The following RC3H2 variants were observed in gnomAD, a reference collection of about 807,000 sequenced individuals.
RC3H2 encodes the protein ring finger and CCCH-type domains 2.
RC3H2 carries 31 observed loss-of-function variants against 133.3 expected under a neutral mutation model. That is an observed-to-expected ratio of 0.23 (90% confidence interval 0.17 to 0.31). The LOEUF (loss-of-function observed/expected upper bound fraction) is 0.31, where lower values mean the gene tolerates loss of function less well. Ranked by LOEUF, RC3H2 falls within the 10% of genes least tolerant of loss-of-function variation. RC3H2 has a pLI of 1.00. For missense variants in RC3H2, 1,175 were observed against 1,437.2 expected (o/e 0.82, Z 2.95); for synonymous variants, 517 against 502.2 (o/e 1.03, Z -0.40).
chr9:122,877,153 T>G lies in RC3H2; in HGVS notation c.1325+318A>C, dbSNP rs146484373. ...TGGTGTGAACACACTCACTGCAGCC[T>G]TGACCTATGGGGTTCAAGCAATCCT... On this transcript the variant is annotated intron_variant, in intron 9 of 20. Coordinates refer to ENST00000357244, the MANE Select transcript of RC3H2 (RefSeq NM_001100588.3). Among the ~76,000 whole-genome samples the G allele has an allele frequency of 4.7e-3, 720 of 152,312 alleles. 6 individuals carry two copies. Among genetic ancestry groups the G allele is most frequent in the African/African-American group, 0.016 (683 of 41,560 alleles).
At chr9:122,870,969 T>C (rs1831061071) in intron 9 of RC3H2, among the ~76,000 whole-genome samples, 1 of 152,216 alleles carries the variant, frequency 6.6e-6, no homozygotes, top group Non-Finnish European at 1.5e-5. Context: ...CTTTACTAAG[T>C]TCATTTTCCC....
At chr9:122,892,873 C>T (rs117281773) in intron 3 of RC3H2, 36 bp downstream of exon 3, 576 of 1,507,510 alleles carry the variant, frequency 3.8e-4, no homozygotes, top group Non-Finnish European at 5.2e-4. Flanking sequence ...ACTACCAAGT[C>T]CTACTTATCA....
chr9:122,864,929 C>G lies in RC3H2; in HGVS notation c.1634+420G>C, dbSNP rs1830582640. Reference sequence around the variant, plus strand: ...GTGAACCACTGCACCCGGCCAAGTGCTACACCTCATTACAGAGTATAAAGT... The same window carrying G: ...GTGAACCACTGCACCCGGCCAAGTGGTACACCTCATTACAGAGTATAAAGT... On this transcript the variant is annotated intron_variant, in intron 10 of 20. Coordinates refer to ENST00000357244, the MANE Select transcript of RC3H2 (RefSeq NM_001100588.3). Among the ~76,000 whole-genome samples the G allele has an allele frequency of 2.6e-5, 4 of 152,190 alleles. No homozygotes were observed. In the South Asian group the frequency reaches 8.3e-4, roughly 32 times the overall value.
At chr9:122,860,386 T>C (rs1461152319) in intron 10 of RC3H2, among the ~76,000 whole-genome samples, 1 of 148,918 alleles carries the variant, frequency 6.7e-6, no homozygotes, top group Non-Finnish European at 1.5e-5. Flanking sequence ...CGTGATTCAT[T>C]AGTCACCATT....
chr9:122,882,510 A>G (rs1048491603), intron 5 of RC3H2, among the ~76,000 whole-genome samples: 3 of 152,254 alleles, frequency 2.0e-5, no homozygotes, highest in Non-Finnish European at 4.4e-5. Context: ...CATAGAAGCC[A>G]ATAGGCCTTT....
intron 4 of RC3H2, among the ~76,000 whole-genome samples, chr9:122,889,340 A>G (rs954629769): frequency 1.3e-5 from 2 of 152,044 alleles, no homozygotes; most frequent in African/African-American, 2.4e-5. Context: ...TTACCAGTAT[A>G]TTTTTATTTT....
At chr9:122,853,845 CCAT>C in intron 18 of RC3H2, 104 bp downstream of exon 18, 1 of 1,591,916 alleles carries the variant, frequency 6.3e-7, no homozygotes, top group African/African-American at 1.3e-5. Flanking sequence ...AATCAATCAT[CCAT>C]CAGAGATAGG....
In RC3H2 at chr9:122,898,780, G is replaced by A. The variant is rs533904152; in HGVS notation, c.-67-1204C>T. 6.5e-4 allele frequency among the ~76,000 whole-genome samples: 95 copies of A among 146,658 alleles called. 2 individuals carry two copies. Among genetic ancestry groups the A allele is most frequent in the Admixed American group, 5.8e-3 (86 of 14,704 alleles). ...AAAAAAAAAAAGTTCCATAAGTTTA[G>A]TAAAGTAAAAGATTTAGTAGCAAAA... On this transcript the variant is annotated intron_variant, in intron 1 of 20. Transcript: ENST00000357244.
At chr9:122,867,522 C>T (rs1260316026) in intron 9 of RC3H2, among the ~76,000 whole-genome samples, 2 of 17,944 alleles carry the variant, frequency 1.1e-4, no homozygotes, top group Non-Finnish European at 4.0e-4. Flanking sequence ...TCTGCCCGGC[C>T]GCCTATCGTC....
chr9:122,859,439 C>A (rs1830376255), intron 11 of RC3H2, among the ~76,000 whole-genome samples: 1 of 151,974 alleles, frequency 6.6e-6, no homozygotes, highest in African/African-American at 2.4e-5. Flanking sequence ...CATTAACATT[C>A]AACACTTTGC....
In RC3H2 at chr9:122,851,313, T is replaced by A. The variant is rs766448063; in HGVS notation, c.3231+10A>T. The A allele has an allele frequency of 1.4e-5, 22 of 1,611,370 alleles. No individual in the cohort carries two copies. Among genetic ancestry groups the A allele is most frequent in the Non-Finnish European group, 1.9e-5 (22 of 1,177,438 alleles). ...ACAAAGCCTCTCAATTATCTAATTGTGGCACTTACTTCAATTGGTTCACTT... is the reference window on the plus strand; with the variant it reads ...ACAAAGCCTCTCAATTATCTAATTGAGGCACTTACTTCAATTGGTTCACTT... On this transcript the variant is annotated intron_variant, in intron 19 of 20. Transcript: ENST00000357244.
At chr9:122,852,275 G>A (rs564237556) in intron 18 of RC3H2, among the ~76,000 whole-genome samples, 1 of 149,896 alleles carries the variant, frequency 6.7e-6, no homozygotes, top group Non-Finnish European at 1.5e-5. Context: ...CGCCCCGTAT[G>A]AGAAGTGAGG....
At position 122,865,582 on chromosome 9, in the gene RC3H2, G is replaced by A; in HGVS notation, c.1401C>T (p.Asn467=). ...CATTTCCGGCTGTGGTTGTGACAGT[G>A]TTGTTTACACCAACTTTATTTAGAA... The part of the protein sequence containing the change: ...FPLLNKVGVN[N]TVTTTAGNVI... Residue 467 remains asparagine (N), a synonymous_variant, in exon 10 of 21, where the codon AAC becomes AAT. Coordinates refer to ENST00000357244, the MANE Select transcript of RC3H2 (RefSeq NM_001100588.3). The A allele has an allele frequency of 6.2e-7, 1 of 1,614,132 alleles. No homozygotes were observed. The highest frequency in any genetic ancestry group is 8.5e-7 in the Non-Finnish European group (1 of 1,180,016).
intron 9 of RC3H2, among the ~76,000 whole-genome samples, chr9:122,865,889 G>A (rs150904928): frequency 1.6e-3 from 129 of 82,056 alleles, no homozygotes; most frequent in African/African-American, 5.3e-3. Context: ...ATAGCAAGCC[G>A]AGTTTATATG....
chr9:122,854,391 T>C (rs1830165404), intron 16 of RC3H2, 125 bp from the exon 17 acceptor site: 1 of 1,175,302 alleles, frequency 8.5e-7, no homozygotes, highest in East Asian at 2.5e-5. Flanking sequence ...CAAATTTAAA[T>C]GCAAATATTT....
chr9:122,877,527 C>G lies in RC3H2; in HGVS notation c.1269G>C (p.Gly423=). 6.2e-7 allele frequency: 1 copy of G among 1,614,182 alleles called. No individual in the cohort carries two copies. The highest frequency in any genetic ancestry group is 1.1e-5 in the South Asian group (1 of 91,084). Residue 423 remains glycine (G), a synonymous_variant, in exon 9 of 21, where the codon GGG becomes GGC. Coordinates refer to ENST00000357244, the MANE Select transcript of RC3H2 (RefSeq NM_001100588.3). ...TSMCRDLRQQ[G]GCPRGTNCTF... ...TACAATTTGTTCCTCGTGGACAACC[C>G]CCTTGCTGTCGCAAATCTCGGCACA...
At chr9:122,862,430 T>C (rs1429339322) in intron 10 of RC3H2, among the ~76,000 whole-genome samples, 1 of 152,224 alleles carries the variant, frequency 6.6e-6, no homozygotes, top group East Asian at 1.9e-4. Flanking sequence ...GCCTTCTCCA[T>C]CCACAAGGCC....
intron 2 of RC3H2, among the ~76,000 whole-genome samples, chr9:122,897,051 G>A (rs1295470605): frequency 1.3e-4 from 16 of 118,548 alleles, no homozygotes; most frequent in Admixed American, 2.5e-4. Context: ...AAAAAAAAAA[G>A]GCCACATAAG....
At chr9:122,853,374 T>G (rs1223824086) in intron 18 of RC3H2, among the ~76,000 whole-genome samples, 29 of 86,422 alleles carry the variant, frequency 3.4e-4, no homozygotes, top group South Asian at 6.1e-4. Context: ...CCAAGAATGA[T>G]CAATAAAAAA....
Sources: allele counts gnomAD v4.1 joint callset (sites outside exome capture counted in the v4.1 genomes callset), GRCh38; gene constraint gnomAD v4.1.1; transcripts MANE v1.5; gene names NCBI Gene and HGNC (gene_info 2026-07-23, HGNC 2026-07-21).